TRARG1: variants seen among roughly 807,000 people sequenced by gnomAD.
TRARG1 encodes the protein trafficking regulator of GLUT4 (SLC2A4) 1 (gene/pseudogene), also known as trafficking regulator of GLUT4 1.
Under a neutral mutation model 13.3 loss-of-function variants are expected in TRARG1, and 16 were observed. The observed-to-expected ratio is 1.20, with a 90% CI of 0.81 to 1.83. The LOEUF (loss-of-function observed/expected upper bound fraction) is 1.83. Among genes scored for constraint, TRARG1 ranks in the 40% most tolerant of loss-of-function variants. The pLI is 0.00. For synonymous variants in TRARG1, 113 were observed against 106.2 expected (o/e 1.06, Z -0.39); for missense variants, 250 against 237.4 (o/e 1.05, Z -0.35).
At chr17:1,289,497 A>G (rs1285231705) in intron 1 of TRARG1, among the ~76,000 whole-genome samples, 5 of 144,934 alleles carry the variant, frequency 3.4e-5, no homozygotes, top group Admixed American at 7.0e-5. Context: ...CATGACCAGC[A>G]TTGCCGATAG....
chr17:1,284,220 T>C (rs915244003), intron 1 of TRARG1, among the ~76,000 whole-genome samples: 1 of 152,068 alleles, frequency 6.6e-6, no homozygotes, highest in Non-Finnish European at 1.5e-5. Flanking sequence ...CAACCACTCA[T>C]CTCCTTTCTG....
chr17:1,295,761 C>A (rs907798849), intron 2 of TRARG1, 138 bp downstream of exon 2: 14 of 1,012,568 alleles, frequency 1.4e-5, no homozygotes, highest in Non-Finnish European at 1.8e-5. Context: ...CCTTATCCTC[C>A]CAGTCCATAA....
chr17:1,292,773 C>T (rs921793326), intron 1 of TRARG1, among the ~76,000 whole-genome samples: 1 of 152,210 alleles, frequency 6.6e-6, no homozygotes, highest in African/African-American at 2.4e-5. Context: ...AAGTGCCTCT[C>T]CTTTGTCATG....
intron 1 of TRARG1, among the ~76,000 whole-genome samples, chr17:1,291,452 C>T (rs1260706891): frequency 2.0e-5 from 3 of 152,332 alleles, no homozygotes; most frequent in African/African-American, 7.2e-5. Flanking sequence ...TTGTTCGGCA[C>T]TTTTCCTTTC....
At chr17:1,292,117 G>A (rs563795422) in intron 1 of TRARG1, among the ~76,000 whole-genome samples, 1 of 152,202 alleles carries the variant, frequency 6.6e-6, no homozygotes, top group East Asian at 1.9e-4. Context: ...GCAGTGAGCC[G>A]AGATCTCGCC....
rs568270136 is a variant in TRARG1, at chr17:1,290,662, G to A, written c.388-4829G>A. On this transcript the variant is annotated intron_variant, in intron 1 of 2. Transcript: ENST00000333813. Reference sequence around the variant, plus strand: ...CTTCTTGTACCACGCCCACATCATGGTCTGTGCTCTGCCCCCATCTCTTCG... The same window carrying A: ...CTTCTTGTACCACGCCCACATCATGATCTGTGCTCTGCCCCCATCTCTTCG... Among the ~76,000 whole-genome samples, 7 of 152,192 alleles carry A rather than the reference G, an allele frequency of 4.6e-5. No individual in the cohort carries two copies. In the South Asian group the frequency reaches 1.2e-3, roughly 27 times the overall value.
At chr17:1,290,119 C>T (rs2072059657) in intron 1 of TRARG1, among the ~76,000 whole-genome samples, 1 of 152,204 alleles carries the variant, frequency 6.6e-6, no homozygotes. Flanking sequence ...TTTTCCAATT[C>T]TCTACTTCCT....
At chr17:1,283,185 C>G (rs1441764724) in intron 1 of TRARG1, among the ~76,000 whole-genome samples, 4 of 152,034 alleles carry the variant, frequency 2.6e-5, no homozygotes, top group African/African-American at 7.3e-5. Flanking sequence ...GAAAGTCATT[C>G]AAACGGCTCT....
chr17:1,282,272 G>GTA (rs1567928301), intron 1 of TRARG1, among the ~76,000 whole-genome samples: 3,713 of 121,212 alleles, frequency 0.031, 550 homozygotes, highest in African/African-American at 0.086. Context: ...GTACATATAT[G>GTA]CACGTATATG....
chr17:1,292,399 G>C (rs73285356), intron 1 of TRARG1, among the ~76,000 whole-genome samples: 4,288 of 152,126 alleles, frequency 0.028, 205 homozygotes, highest in African/African-American at 0.098. Context: ...CCTATCATTC[G>C]GGACTCACGT....
rs1266544478 is a variant in TRARG1, at chr17:1,298,602, GA to G, written c.*344del. 1 of 336,976 alleles carries G rather than the reference GA, an allele frequency of 3.0e-6. No individual in the cohort carries two copies. Among genetic ancestry groups the G allele is most frequent in the Admixed American group, 4.7e-5 (1 of 21,434 alleles). The allele number at this position is 336,976 out of a possible 1,614,324, so 20.9% of individuals were successfully genotyped here. Reference sequence around the variant, plus strand: ...AGCGAAAACTGCCAGGATGAATGAGGAAAAAACCCAGCCCCACAAACGAGAC... The same window carrying G: ...AGCGAAAACTGCCAGGATGAATGAGGAAAAACCCAGCCCCACAAACGAGAC... On this transcript the variant is annotated 3_prime_UTR_variant, in exon 3 of 3. Coordinates refer to ENST00000333813, the MANE Select transcript of TRARG1 (RefSeq NM_172367.3).
At chr17:1,293,367 G>A (rs906737805) in intron 1 of TRARG1, among the ~76,000 whole-genome samples, 7 of 151,990 alleles carry the variant, frequency 4.6e-5, no homozygotes, top group East Asian at 3.9e-4. Flanking sequence ...AGGGAGGAGC[G>A]GAGCTCAGGC....
At chr17:1,292,486 C>T (rs998490720) in intron 1 of TRARG1, among the ~76,000 whole-genome samples, 11 of 152,188 alleles carry the variant, frequency 7.2e-5, no homozygotes, top group Non-Finnish European at 1.3e-4. Context: ...CTGGCCTAGC[C>T]CTGCCCACCT....
rs916272871 is a variant in TRARG1 at position 1,295,524 on chromosome 17, G to A, written c.421G>A (p.Gly141Ser). 8.7e-6 allele frequency: 14 copies of A among 1,611,662 alleles called. No individual in the cohort carries two copies. In the African/African-American group the frequency reaches 1.2e-4, roughly 14 times the overall value. Residue 141 changes from glycine to serine, a missense_variant, in exon 2 of 3, where the codon GGC becomes AGC. By Grantham distance (56) the Gly-to-Ser change is moderately conservative (BLOSUM62 0). Coordinates refer to ENST00000333813, the MANE Select transcript of TRARG1 (RefSeq NM_172367.3). Reference sequence around the variant, plus strand: ...CAGCATGCAACAGGGCAACGTGGACGGCGCCCGGAGGCTGGGCCGCCTGGC... The same window carrying A: ...CAGCATGCAACAGGGCAACGTGGACAGCGCCCGGAGGCTGGGCCGCCTGGC... ...RSSMQQGNVD[G>S]ARRLGRLARL... is the part of the protein sequence containing the mutation.
At chr17:1,287,555 G>C (rs1366338983) in intron 1 of TRARG1, among the ~76,000 whole-genome samples, 1 of 151,768 alleles carries the variant, frequency 6.6e-6, no homozygotes, top group Non-Finnish European at 1.5e-5. Context: ...GTAGAGATGG[G>C]GTTTCATTGT....
Position 1,295,684 on chromosome 17 carries a change from G to T in TRARG1, c.520+61G>T. 9.8e-6 allele frequency: 15 copies of T among 1,525,198 alleles called. No homozygotes were observed. In the South Asian group the frequency reaches 1.4e-4, roughly 14 times the overall value. The allele number at this position is 1,525,198 out of a possible 1,614,324, so 94.5% of individuals were successfully genotyped here. On this transcript the variant is annotated intron_variant, in intron 2 of 2. Transcript: ENST00000333813. ...TTGCCTGGTGTGAGGACTGCTCAAG[G>T]GTGTACCCAGCCTCAGGGGCAGAGG...
intron 1 of TRARG1, among the ~76,000 whole-genome samples, chr17:1,283,516 C>T (rs1567928907): frequency 2.0e-5 from 3 of 152,182 alleles, no homozygotes; most frequent in Admixed American, 1.3e-4. Context: ...AAAAGAAACC[C>T]TGTACCCTGG....
intron 1 of TRARG1, 105 bp downstream of exon 1, chr17:1,280,493 G>T: frequency 1.6e-6 from 2 of 1,251,032 alleles, no homozygotes; most frequent in Non-Finnish European, 2.2e-6. Flanking sequence ...AGAAGAGAGA[G>T]CTGGGAGTGG....
intron 1 of TRARG1, among the ~76,000 whole-genome samples, chr17:1,291,519 C>T (rs1041583145): frequency 2.0e-5 from 3 of 152,236 alleles, no homozygotes; most frequent in African/African-American, 4.8e-5. Context: ...TTGTAAGTTT[C>T]CTGAGCCTCT....
Sources: gnomAD v4.1 joint callset for allele counts (sites outside exome capture counted in the v4.1 genomes callset) on GRCh38, gnomAD v4.1.1 for gene constraint, MANE v1.5 for transcripts, NCBI Gene and HGNC (gene_info 2026-07-23, HGNC 2026-07-21) for gene names.